Variants in SLC60A2 observed in about 807,000 individuals in gnomAD.
The protein encoded by SLC60A2 is solute carrier family 60 member 2.
chr6:111,270,927 A>G, the SLC60A2 span: 1 of 152,128 alleles, frequency 6.6e-6, no homozygotes, highest in Non-Finnish European at 1.5e-5. Flanking sequence ...TACAGCTAGT[A>G]TGGGGATGGA....
At chr6:111,273,800 A>G in the SLC60A2 span, among the ~76,000 whole-genome samples, 1 of 152,096 alleles carries the variant, frequency 6.6e-6, no homozygotes, top group East Asian at 1.9e-4. Flanking sequence ...ATTACGGCTC[A>G]CTGTAGTTTT....
At chr6:111,273,134 A>G in the SLC60A2 span, among the ~76,000 whole-genome samples, 1 of 152,034 alleles carries the variant, frequency 6.6e-6, no homozygotes, top group South Asian at 2.1e-4. Flanking sequence ...GTCAGAAAAG[A>G]TTATATTGTG....
the SLC60A2 span, among the ~76,000 whole-genome samples, chr6:111,272,218 G>T: frequency 3.3e-5 from 5 of 151,910 alleles, no homozygotes; most frequent in African/African-American, 4.8e-5. Flanking sequence ...GGCCAGGCTG[G>T]TCTCAAACTC....
chr6:111,260,835 T>A, the SLC60A2 span, among the ~76,000 whole-genome samples: 15,339 of 152,282 alleles, frequency 0.1, 1,008 homozygotes, highest in Middle Eastern at 0.19. Flanking sequence ...AGACATGAAC[T>A]AATTTGATTA....
At chr6:111,275,735 C>T in the SLC60A2 span, among the ~76,000 whole-genome samples, 47 of 152,184 alleles carry the variant, frequency 3.1e-4, no homozygotes, top group East Asian at 5.2e-3. Flanking sequence ...TGAGATTATA[C>T]GATGCTTTTC....
the SLC60A2 span, chr6:111,259,802 G>T: frequency 7.1e-7 from 1 of 1,417,216 alleles, no homozygotes. Flanking sequence ...ACTGACCTTG[G>T]GCGCGTTACC....
At chr6:111,270,203 A>G in the SLC60A2 span, 12 of 152,142 alleles carry the variant, frequency 7.9e-5, no homozygotes, top group African/African-American at 2.9e-4. Flanking sequence ...CTTGTATGAC[A>G]TTACGTCATT....
At chr6:111,271,950 A>C in the SLC60A2 span, among the ~76,000 whole-genome samples, 1 of 152,152 alleles carries the variant, frequency 6.6e-6, no homozygotes, top group Non-Finnish European at 1.5e-5. Context: ...CCTGGGTTAC[A>C]AAGTGAGACT....
At chr6:111,261,289 A>G in the SLC60A2 span, among the ~76,000 whole-genome samples, 3 of 152,196 alleles carry the variant, frequency 2.0e-5, no homozygotes, top group African/African-American at 7.2e-5. Flanking sequence ...CTGTTTAACA[A>G]CATAAAAAAC....
chr6:111,274,373 C>T, the SLC60A2 span, among the ~76,000 whole-genome samples: 2 of 152,150 alleles, frequency 1.3e-5, no homozygotes, highest in Non-Finnish European at 2.9e-5. Flanking sequence ...CCTACACTTT[C>T]AGTCCATATG....
the SLC60A2 span, among the ~76,000 whole-genome samples, chr6:111,271,448 G>A: frequency 6.6e-6 from 1 of 151,954 alleles, no homozygotes; most frequent in African/African-American, 2.4e-5. Context: ...AATTTCCTAA[G>A]TAAAGGGTAA....
At chr6:111,259,508 G>A in the SLC60A2 span, 1 of 510,006 alleles carries the variant, frequency 2.0e-6, no homozygotes, top group South Asian at 2.7e-5. Flanking sequence ...AAGCGCGGCG[G>A]CAGCAAGACG....
At chr6:111,261,910 C>T in the SLC60A2 span, among the ~76,000 whole-genome samples, 1 of 151,994 alleles carries the variant, frequency 6.6e-6, no homozygotes, top group Non-Finnish European at 1.5e-5. Flanking sequence ...TTTTTAATAC[C>T]CAAATTCTTA....
At chr6:111,259,761 G>T in the SLC60A2 span, 1 of 1,553,266 alleles carries the variant, frequency 6.4e-7, no homozygotes, top group South Asian at 1.2e-5. Flanking sequence ...CCCAGGCCGG[G>T]GCGTTCGAGT....
the SLC60A2 span, among the ~76,000 whole-genome samples, chr6:111,271,797 A>AAAAAAAAAAAAAAAAAAAAAT: frequency 9.3e-6 from 1 of 107,198 alleles, no homozygotes; most frequent in Non-Finnish European, 2.1e-5. Flanking sequence ...AAAAAAAAAA[A>AAAAAAAAAAAAAAAAAAAAAT]AAAAAAAAAG....
chr6:111,261,713 C>T, the SLC60A2 span, among the ~76,000 whole-genome samples: 1 of 152,166 alleles, frequency 6.6e-6, no homozygotes, highest in Non-Finnish European at 1.5e-5. Context: ...CCTGCCTCAG[C>T]CTCCCGAGTA....
At chr6:111,264,851 T>C in the SLC60A2 span, among the ~76,000 whole-genome samples, 2 of 151,720 alleles carry the variant, frequency 1.3e-5, no homozygotes, top group Non-Finnish European at 2.9e-5. Flanking sequence ...CCTAGCACTT[T>C]GGGAGGCTGT....
the SLC60A2 span, chr6:111,266,500 T>C: frequency 1.2e-6 from 2 of 1,614,104 alleles, no homozygotes; most frequent in African/African-American, 2.7e-5. Flanking sequence ...TTATTTCTGG[T>C]GCTTTTTGAC....
chr6:111,266,820 A>G, the SLC60A2 span: 10 of 1,613,964 alleles, frequency 6.2e-6, no homozygotes, highest in East Asian at 2.2e-4. Context: ...AAAAGAAGAC[A>G]GAAAGAGTGA....
Sources: gnomAD v4.1 joint callset for allele counts (sites outside exome capture counted in the v4.1 genomes callset) on GRCh38, gnomAD v4.1.1 for gene constraint, MANE v1.5 for transcripts, NCBI Gene and HGNC (gene_info 2026-07-23, HGNC 2026-07-21) for gene names.